The following FGF12 variants were observed in gnomAD, a reference collection of about 807,000 sequenced individuals.
FGF12 encodes fibroblast growth factor 12.
FGF12 carries 14 observed loss-of-function variants against 23.6 expected under a neutral mutation model. The ratio of observed to expected loss-of-function variants is 0.59; its 90% confidence interval spans 0.39 to 0.93. The LOEUF is 0.93. Among genes scored for constraint, FGF12 ranks in the 40% least tolerant of loss-of-function variants. The pLI is 0.00. For missense variants in FGF12, 175 were observed against 217.8 expected (o/e 0.80, Z 1.24); for synonymous variants, 62 against 77.3 (o/e 0.80, Z 1.04).
At chr3:192,583,299 T>G (rs758380320) in intron 2 of FGF12, among the ~76,000 whole-genome samples, 1 of 152,192 alleles carries the variant, frequency 6.6e-6, no homozygotes, top group African/African-American at 2.4e-5. Context: ...GGATATCAGA[T>G]GAGCGATGCG....
At chr3:192,168,589 CAT>C (rs1424079359) in intron 5 of FGF12, among the ~76,000 whole-genome samples, 1 of 152,190 alleles carries the variant, frequency 6.6e-6, no homozygotes, top group Non-Finnish European at 1.5e-5. Context: ...TCTGAGTAAA[CAT>C]ATGTCACACC....
chr3:192,573,675 C>A (rs1376686442), intron 2 of FGF12, among the ~76,000 whole-genome samples: 1 of 152,076 alleles, frequency 6.6e-6, no homozygotes, highest in Non-Finnish European at 1.5e-5. Context: ...CTATTGGTTC[C>A]AATTCTCCAG....
At chr3:192,419,080 T>C (rs1297874078) in intron 2 of FGF12, among the ~76,000 whole-genome samples, 1 of 152,200 alleles carries the variant, frequency 6.6e-6, no homozygotes, top group Admixed American at 6.5e-5. Context: ...AGTTGATTAA[T>C]TGTCTGAAAT....
intron 2 of FGF12, among the ~76,000 whole-genome samples, chr3:192,452,938 C>A (rs1722570703): frequency 6.6e-6 from 1 of 152,158 alleles, no homozygotes; most frequent in East Asian, 1.9e-4. Context: ...TTTTATTAAC[C>A]TACCTAATGT....
intron 3 of FGF12, among the ~76,000 whole-genome samples, chr3:192,347,141 CT>C (rs904859987): frequency 2.0e-5 from 3 of 152,144 alleles, no homozygotes; most frequent in African/African-American, 4.8e-5. Context: ...TACTTTTTAA[CT>C]CCCCAGATTA....
intron 2 of FGF12, among the ~76,000 whole-genome samples, chr3:192,575,678 G>A (rs1307075866): frequency 1.3e-5 from 2 of 151,490 alleles, no homozygotes; most frequent in Admixed American, 1.3e-4. Flanking sequence ...TTAGGTTTTG[G>A]TCCCTCTTAA....
chr3:192,467,829 T>C (rs572407193), intron 2 of FGF12, among the ~76,000 whole-genome samples: 4 of 152,340 alleles, frequency 2.6e-5, no homozygotes, highest in African/African-American at 9.6e-5. Context: ...ACACTTAACA[T>C]GTAGCAAAGC....
intron 2 of FGF12, among the ~76,000 whole-genome samples, chr3:192,711,266 C>T (rs1403503388): frequency 1.6e-5 from 2 of 124,474 alleles, no homozygotes; most frequent in South Asian, 2.6e-4. Context: ...CCCGGCCAGC[C>T]GCCCCGTCCG....
chr3:192,310,971 C>A (rs1006250080), intron 4 of FGF12, among the ~76,000 whole-genome samples: 1 of 152,058 alleles, frequency 6.6e-6, no homozygotes, highest in Non-Finnish European at 1.5e-5. Flanking sequence ...CCTCTCCAAT[C>A]GTGAAGAAAT....
At chr3:192,605,705 G>T (rs1714312035) in intron 2 of FGF12, among the ~76,000 whole-genome samples, 1 of 152,058 alleles carries the variant, frequency 6.6e-6, no homozygotes, top group Non-Finnish European at 1.5e-5. Context: ...AAATACAGAT[G>T]CAAAAGACAT....
At chr3:192,308,014 C>T (rs959415521) in intron 4 of FGF12, among the ~76,000 whole-genome samples, 1 of 152,028 alleles carries the variant, frequency 6.6e-6, no homozygotes, top group Non-Finnish European at 1.5e-5. Context: ...GACCAAGAAA[C>T]GCACGTTAGA....
At chr3:192,511,909 T>C (rs1490118882) in intron 2 of FGF12, among the ~76,000 whole-genome samples, 2 of 152,144 alleles carry the variant, frequency 1.3e-5, no homozygotes, top group South Asian at 2.1e-4. Flanking sequence ...ACCGGAGCAA[T>C]AATATATTTT....
In FGF12 at chr3:192,213,191, C is replaced by T. The variant is rs549852228; in HGVS notation, c.229-42535G>A. ...TTGTAAGCACAATTGTCCCAGCAAG[C>T]GAGCGCCAGAGCAGCTGAAGGCGAA... On this transcript the variant is annotated intron_variant, in intron 4 of 5. Coordinates refer to ENST00000445105, the MANE Select transcript of FGF12 (RefSeq NM_004113.6). Among the ~76,000 whole-genome samples, 6 of 152,334 alleles carry T rather than the reference C, an allele frequency of 3.9e-5. No homozygotes were observed. In the East Asian group the frequency reaches 7.7e-4, roughly 20 times the overall value.
At chr3:192,596,712 T>G (rs1420447540) in intron 2 of FGF12, among the ~76,000 whole-genome samples, 2 of 152,204 alleles carry the variant, frequency 1.3e-5, no homozygotes, top group Non-Finnish European at 2.9e-5. Context: ...AAAATGCAAT[T>G]GGACCCATAA....
chr3:192,245,615 T>C (rs1294643189), intron 4 of FGF12, among the ~76,000 whole-genome samples: 1 of 152,228 alleles, frequency 6.6e-6, no homozygotes, highest in East Asian at 1.9e-4. Flanking sequence ...TGGAAGGTAC[T>C]GGAAACAGAG....
chr3:192,530,276 C>T (rs1725054310), intron 2 of FGF12, among the ~76,000 whole-genome samples: 1 of 152,086 alleles, frequency 6.6e-6, no homozygotes, highest in Non-Finnish European at 1.5e-5. Flanking sequence ...ACGACTGCTC[C>T]TTCTTTCAGT....
intron 4 of FGF12, among the ~76,000 whole-genome samples, chr3:192,290,888 C>CA (rs896581893): frequency 3.8e-4 from 57 of 150,994 alleles, no homozygotes; most frequent in African/African-American, 1.2e-3. Context: ...TTATTTACTT[C>CA]AAAAAAAAGG....
chr3:192,502,683 A>C (rs541028347), intron 2 of FGF12, among the ~76,000 whole-genome samples: 2 of 152,352 alleles, frequency 1.3e-5, no homozygotes, highest in Non-Finnish European at 2.9e-5. Context: ...TTCTCCTAAA[A>C]GACAGAGATG....
intron 2 of FGF12, among the ~76,000 whole-genome samples, chr3:192,419,543 C>T (rs957931702): frequency 1.2e-4 from 18 of 152,088 alleles, no homozygotes; most frequent in African/African-American, 4.1e-4. Context: ...CACTCAAGAT[C>T]AGGAGCAATA....
Sources: allele counts gnomAD v4.1 joint callset (sites outside exome capture counted in the v4.1 genomes callset), GRCh38; gene constraint gnomAD v4.1.1; transcripts MANE v1.5; gene names NCBI Gene and HGNC (gene_info 2026-07-23, HGNC 2026-07-21).